The following CAMKV variants were observed in gnomAD, a reference collection of about 807,000 sequenced individuals.
CAMKV encodes CaM kinase like vesicle associated, also known as caM kinase-like vesicle-associated protein.
CAMKV carries 5 observed loss-of-function variants against 50.2 expected under a neutral mutation model. The observed-to-expected ratio is 0.10, with a 90% CI of 0.05 to 0.21. The LOEUF (loss-of-function observed/expected upper bound fraction) is 0.21, where lower values mean the gene tolerates loss of function less well. Among genes scored for constraint, CAMKV ranks in the 10% least tolerant of loss-of-function variants. The probability of loss-of-function intolerance (pLI) is 1.00; values close to 1 mark genes in which losing one functional copy is unlikely to be tolerated. For synonymous variants in CAMKV, 229 were observed against 250.1 expected (o/e 0.92, Z 0.80); for missense variants, 361 against 650.5 (o/e 0.55, Z 4.84).
Position 49,861,688 on chromosome 3 carries a change from G to C in CAMKV, c.302+103C>G. 1 of 1,590,122 alleles carries C rather than the reference G, an allele frequency of 6.3e-7. No individual in the cohort carries two copies. Among genetic ancestry groups the C allele is most frequent in the South Asian group, 1.1e-5 (1 of 90,024 alleles). On this transcript the variant is annotated intron_variant, in intron 4 of 10. Coordinates refer to ENST00000477224, the MANE Select transcript of CAMKV (RefSeq NM_024046.5). This position sits in a 1 kb window ranked among gnomAD's most constrained non-coding sequence, Gnocchi z 7.7. ...CTGGCTGAGCAAGGCACAGGGACCT[G>C]GGACGCCAAGGGTCCAGAAAGGGGG...
Position 49,859,181 on chromosome 3 carries a change from T to C in CAMKV, c.*137A>G. ...GACGAGACTGCTCTCCCGTGACCCC[T>C]AGTTATGCCCCACTGGGATGTGGGG... is the stretch of plus-strand genomic sequence containing the variant. On this transcript the variant is annotated 3_prime_UTR_variant, in exon 11 of 11. Transcript: ENST00000477224. The surrounding 1 kb of genome is among the most constrained non-coding windows in gnomAD (Gnocchi z 5.5). 2.6e-6 allele frequency: 2 copies of C among 780,982 alleles called. No homozygotes were observed. Among genetic ancestry groups the C allele is most frequent in the Non-Finnish European group, 4.0e-6 (2 of 495,952 alleles). 48.4% of individuals were successfully genotyped at this position (780,982 alleles called of 1,614,324 possible). A position where few individuals can be genotyped will look rare whatever the true frequency, so the allele number is the denominator to read the frequency against.
rs1437797956 is a variant in CAMKV at position 49,869,234 on chromosome 3, G to A, written c.-15+524C>T. On this transcript the variant is annotated intron_variant, in intron 1 of 10. Coordinates refer to ENST00000477224, the MANE Select transcript of CAMKV (RefSeq NM_024046.5). This position sits in a 1 kb window ranked among gnomAD's most constrained non-coding sequence, Gnocchi z 5.2. ...CTGGACCCCCAGCTGGCACCCAGGT[G>A]AAGGCTTGGAAGCTGAATTTTGGCT... Among the ~76,000 whole-genome samples, 1 of 152,192 alleles carries A rather than the reference G, an allele frequency of 6.6e-6. No homozygotes were observed. The highest frequency in any genetic ancestry group is 2.4e-5 in the African/African-American group (1 of 41,458).
Position 49,862,681 on chromosome 3 carries a change from A to C in CAMKV, c.-14-279T>G, listed in dbSNP as rs1377138226. On this transcript the variant is annotated intron_variant, in intron 1 of 10. Coordinates refer to ENST00000477224, the MANE Select transcript of CAMKV (RefSeq NM_024046.5). This position sits in a 1 kb window ranked among gnomAD's most constrained non-coding sequence, Gnocchi z 5.2. ...GTTTTGTATTCTATACATTCAAAAA[A>C]AAGGCTTATCAAACAGTTTATTTAA... is the stretch of plus-strand genomic sequence containing the variant. 6.6e-6 allele frequency among the ~76,000 whole-genome samples: 1 copy of C among 152,278 alleles called. No homozygotes were observed. Among genetic ancestry groups the C allele is most frequent in the Non-Finnish European group, 1.5e-5 (1 of 68,052 alleles).
chr3:49,859,388 G>A lies in CAMKV; in HGVS notation c.1436C>T (p.Ala479Val), dbSNP rs778514209. 7.5e-6 allele frequency: 12 copies of A among 1,590,980 alleles called. No homozygotes were observed. Among genetic ancestry groups the A allele is most frequent in the Non-Finnish European group, 1.0e-5 (12 of 1,166,000 alleles). The change falls in exon 11 of 11, where the codon GCT (alanine) becomes GTT (valine). Residue 479 changes from alanine (A) to valine (V), a missense_variant. By Grantham distance (64) the Ala-to-Val change is moderately conservative. This residue lies in a region of CAMKV where 75 missense variants were observed against 84.2 expected (regional missense o/e 0.89). Transcript: ENST00000477224. This position sits in a 1 kb window ranked among gnomAD's most constrained non-coding sequence, Gnocchi z 5.5. Reference protein sequence around the residue: ...STAPEGATGQAPPSSKGEEAA... With the variant: ...STAPEGATGQVPPSSKGEEAA... ...CTCTTCCCCTTTACTAGAGGGTGGA[G>A]CCTGGCCTGTGGCGCCCTCTGGGGC...
chr3:49,862,244 GC>G lies in CAMKV; in HGVS notation c.95+49del. The G allele has an allele frequency of 6.2e-7, 1 of 1,614,066 alleles. No individual in the cohort carries two copies. Among genetic ancestry groups the G allele is most frequent in the Non-Finnish European group, 8.5e-7 (1 of 1,179,982 alleles). ...GCTGCACTCCACTGCCACTTCCCTAGCCCCTGCTCACCAGCCCACCCAGCCT... is the reference window on the plus strand; with the variant it reads ...GCTGCACTCCACTGCCACTTCCCTAGCCCTGCTCACCAGCCCACCCAGCCT... On this transcript the variant is annotated intron_variant, in intron 2 of 10. Transcript: ENST00000477224. This position sits in a 1 kb window ranked among gnomAD's most constrained non-coding sequence, Gnocchi z 5.2.
At chr3:49,867,773 CACAG>C (rs1464434136) in intron 1 of CAMKV, among the ~76,000 whole-genome samples, 2 of 151,978 alleles carry the variant, frequency 1.3e-5, no homozygotes, top group African/African-American at 2.4e-5. Flanking sequence ...GGGGCAGAGA[CACAG>C]ACAAAGACAG....
rs74685087 is a variant in CAMKV, at chr3:49,858,482, C to T, written c.*836G>A. On this transcript the variant is annotated 3_prime_UTR_variant, in exon 11 of 11. Coordinates refer to ENST00000477224, the MANE Select transcript of CAMKV (RefSeq NM_024046.5). ...AGGTATCAGCCCTCCCTGTTTGGCCCAGGGTAAGGACCCAGTAAGGCTGGG... is the reference window on the plus strand; with the variant it reads ...AGGTATCAGCCCTCCCTGTTTGGCCTAGGGTAAGGACCCAGTAAGGCTGGG... 7,341 of 396,430 alleles carry T rather than the reference C, an allele frequency of 0.019. 189 individuals carry two copies. Among genetic ancestry groups the T allele is most frequent in the African/African-American group, 0.081 (3,945 of 48,658 alleles). The allele number at this position is 396,430 out of a possible 1,614,324, so 24.6% of individuals were successfully genotyped here.
Position 49,861,142 on chromosome 3 carries a change from C to T in CAMKV, c.562+38G>A. ...CAGAGCAGCTCCCTGAAGGCTGCCC[C>T]CCATTATCCCCCTGCCCCTGCCCCA... is the stretch of plus-strand genomic sequence containing the variant. On this transcript the variant is annotated intron_variant, in intron 6 of 10. Coordinates refer to ENST00000477224, the MANE Select transcript of CAMKV (RefSeq NM_024046.5). This position sits in a 1 kb window ranked among gnomAD's most constrained non-coding sequence, Gnocchi z 7.7. 1 of 1,584,598 alleles carries T rather than the reference C, an allele frequency of 6.3e-7. No individual in the cohort carries two copies.
rs763547732 is a variant in CAMKV, at chr3:49,860,573, A to T, written c.776-24T>A. 6.2e-7 allele frequency: 1 copy of T among 1,611,890 alleles called. No homozygotes were observed. The highest frequency in any genetic ancestry group is 2.2e-5 in the East Asian group (1 of 44,844). ...GGCTGTGGACAAAACCAAGAAGGGGATAGTCATGGGCACCCCATCTCAATG... is the reference window on the plus strand; with the variant it reads ...GGCTGTGGACAAAACCAAGAAGGGGTTAGTCATGGGCACCCCATCTCAATG... On this transcript the variant is annotated intron_variant, in intron 8 of 10. Transcript: ENST00000477224. The surrounding 1 kb of genome is among the most constrained non-coding windows in gnomAD (Gnocchi z 6.1).
At chr3:49,866,861 C>T (rs1013237837) in intron 1 of CAMKV, among the ~76,000 whole-genome samples, 5 of 152,250 alleles carry the variant, frequency 3.3e-5, no homozygotes, top group Non-Finnish European at 5.9e-5. Flanking sequence ...GGGTCCTGTC[C>T]CCTCCTCCGC....
At chr3:49,866,200 T>C (rs1372661409) in intron 1 of CAMKV, among the ~76,000 whole-genome samples, 1 of 152,098 alleles carries the variant, frequency 6.6e-6, no homozygotes, top group Non-Finnish European at 1.5e-5. Flanking sequence ...TGGCTTTCAA[T>C]TAGCACCTTG....
Position 49,862,031 on chromosome 3 carries a change from G to A in CAMKV, c.227+14C>T. On this transcript the variant is annotated intron_variant, in intron 3 of 10. Transcript: ENST00000477224. This position sits in a 1 kb window ranked among gnomAD's most constrained non-coding sequence, Gnocchi z 5.2. ...TGCCTCCCACCCCGCCCCAATCCCA[G>A]GCCTCAAACTCACATCTTGAGGATG... 1 of 1,614,068 alleles carries A rather than the reference G, an allele frequency of 6.2e-7. No homozygotes were observed. Among genetic ancestry groups the A allele is most frequent in the South Asian group, 1.1e-5 (1 of 91,068 alleles).
Position 49,860,690 on chromosome 3 carries a change from C to G in CAMKV, c.775+26G>C. On this transcript the variant is annotated intron_variant, in intron 8 of 10. Transcript: ENST00000477224. This position sits in a 1 kb window ranked among gnomAD's most constrained non-coding sequence, Gnocchi z 6.1. ...CCCTCCCCACTCCCTTGCGTTCTAC[C>G]AAGTGCTGGGCAGGCACCTCCTCAC... 6.2e-7 allele frequency: 1 copy of G among 1,613,758 alleles called. No individual in the cohort carries two copies. Among genetic ancestry groups the G allele is most frequent in the South Asian group, 1.1e-5 (1 of 91,058 alleles).
chr3:49,861,669 G>A lies in CAMKV; in HGVS notation c.303-92C>T. 3 of 1,600,918 alleles carry A rather than the reference G, an allele frequency of 1.9e-6. No individual in the cohort carries two copies. The highest frequency in any genetic ancestry group is 2.6e-6 in the Non-Finnish European group (3 of 1,170,514). On this transcript the variant is annotated intron_variant, in intron 4 of 10. Coordinates refer to ENST00000477224, the MANE Select transcript of CAMKV (RefSeq NM_024046.5). This position sits in a 1 kb window ranked among gnomAD's most constrained non-coding sequence, Gnocchi z 7.7. ...AGCTGCCTACGCCAGGCAGCTGGCT[G>A]AGCAAGGCACAGGGACCTGGGACGC...
chr3:49,859,981 C>T lies in CAMKV; in HGVS notation c.943-100G>A. On this transcript the variant is annotated intron_variant, in intron 10 of 10. Coordinates refer to ENST00000477224, the MANE Select transcript of CAMKV (RefSeq NM_024046.5). This position sits in a 1 kb window ranked among gnomAD's most constrained non-coding sequence, Gnocchi z 5.5. ...CTCCTTCCATAGTACCCCCGGCCAC[C>T]TCCATCCACCCCAGGGCCAAGTACT... 2 of 1,200,860 alleles carry T rather than the reference C, an allele frequency of 1.7e-6. No homozygotes were observed. The highest frequency in any genetic ancestry group is 1.1e-6 in the Non-Finnish European group (1 of 874,832). 74.4% of individuals were successfully genotyped at this position (1,200,860 alleles called of 1,614,324 possible).
At chr3:49,868,236 T>C (rs2082079902) in intron 1 of CAMKV, among the ~76,000 whole-genome samples, 3 of 152,144 alleles carry the variant, frequency 2.0e-5, no homozygotes, top group South Asian at 4.1e-4. Flanking sequence ...CTCTTCTCAG[T>C]TGGCCCAGCT....
Position 49,862,058 on chromosome 3 carries a change from C to T in CAMKV, c.214G>A (p.Gly72Ser), listed in dbSNP as rs1257316947. Residue 72 changes from glycine (G) to serine (S), a missense_variant, in exon 3 of 11, where the codon GGC becomes AGC. Coordinates refer to ENST00000477224, the MANE Select transcript of CAMKV (RefSeq NM_024046.5). The surrounding 1 kb of genome is among the most constrained non-coding windows in gnomAD (Gnocchi z 5.2). ...CCTCAAACTCACATCTTGAGGATGC[C>T]TATCTCGTTCTTGGCAGCTTTCCGC... Reference protein sequence around the residue: ...KVRKAAKNEIGILKMVKHPNI... With the variant: ...KVRKAAKNEISILKMVKHPNI... The T allele has an allele frequency of 2.5e-6, 4 of 1,614,186 alleles. No homozygotes were observed. The highest frequency in any genetic ancestry group is 2.2e-5 in the East Asian group (1 of 44,876).
At position 49,858,989 on chromosome 3, in the gene CAMKV, A is replaced by C; in HGVS notation, c.*329T>G. On this transcript the variant is annotated 3_prime_UTR_variant, in exon 11 of 11. Transcript: ENST00000477224. ...TAGGGGAATGGTGAGGCAAGAAGGGAAGGGGAAGGAGAGCAGGAGCCCCCT... is the reference window on the plus strand; with the variant it reads ...TAGGGGAATGGTGAGGCAAGAAGGGCAGGGGAAGGAGAGCAGGAGCCCCCT... 4.1e-6 allele frequency: 1 copy of C among 242,604 alleles called. No individual in the cohort carries two copies. The highest frequency in any genetic ancestry group is 8.0e-6 in the Non-Finnish European group (1 of 124,542). 15.0% of individuals were successfully genotyped at this position (242,604 alleles called of 1,614,324 possible). A position where few individuals can be genotyped will look rare whatever the true frequency, so the allele number is the denominator to read the frequency against.
intron 1 of CAMKV, among the ~76,000 whole-genome samples, chr3:49,864,321 T>C (rs1051825151): frequency 2.0e-5 from 3 of 152,178 alleles, no homozygotes; most frequent in African/African-American, 7.2e-5. Context: ...TGGTCCCAGC[T>C]TTCGGCTCTG....
Sources: gnomAD v4.1 joint callset for allele counts (sites outside exome capture counted in the v4.1 genomes callset) on GRCh38, gnomAD v4.1.1 for gene constraint, gnomAD v4.1.1 regional missense constraint, Gnocchi (gnomAD v3.1) non-coding constraint, MANE v1.5 for transcripts, NCBI Gene and HGNC (gene_info 2026-07-23, HGNC 2026-07-21) for gene names.